ZNF536: variants seen among roughly 807,000 people sequenced by gnomAD.
The protein encoded by ZNF536 is zinc finger protein 536.
Under a neutral mutation model 84.5 loss-of-function variants are expected in ZNF536, and 13 were observed. That is an observed-to-expected ratio of 0.15 (90% confidence interval 0.10 to 0.24). The LOEUF (loss-of-function observed/expected upper bound fraction) is 0.24, where lower values mean the gene tolerates loss of function less well. ZNF536 is among the 10% of genes least tolerant of loss of function. The pLI is 1.00. For missense variants in ZNF536, 1,536 were observed against 1,747.5 expected (o/e 0.88, Z 2.16); for synonymous variants, 811 against 742.5 (o/e 1.09, Z -1.50).
chr19:30,591,756 A>G (rs1182272390), intron 1 of ZNF536, among the ~76,000 whole-genome samples: 2 of 152,154 alleles, frequency 1.3e-5, no homozygotes, highest in Non-Finnish European at 2.9e-5. Context: ...TGGACTTTCA[A>G]TTGCCAACTA....
At chr19:30,359,143 A>T (rs774374973) in intron 3 of ZNF536, among the ~76,000 whole-genome samples, 71 of 152,114 alleles carry the variant, frequency 4.7e-4, no homozygotes, top group Non-Finnish European at 1.3e-4. Context: ...AGTTCTTTTT[A>T]AAAATTTGTC....
intron 1 of ZNF536, among the ~76,000 whole-genome samples, chr19:30,635,294 G>A (rs907827265): frequency 3.3e-5 from 5 of 152,264 alleles, no homozygotes; most frequent in African/African-American, 1.2e-4. Context: ...CTGCTGTGGT[G>A]AACAGGTATC....
downstream of ZNF536, among the ~76,000 whole-genome samples, chr19:30,562,539 C>CT (rs2146442405): frequency 6.6e-6 from 1 of 152,182 alleles, no homozygotes; most frequent in East Asian, 1.9e-4. Context: ...GATTATCTGA[C>CT]TTTTTTCTCT....
chr19:30,385,237 G>T (rs961994375), intron 1 of ZNF536, among the ~76,000 whole-genome samples: 1 of 151,976 alleles, frequency 6.6e-6, no homozygotes, highest in Non-Finnish European at 1.5e-5. Flanking sequence ...CATGAGGAAG[G>T]AAGAGCCGGT....
intron 1 of ZNF536, among the ~76,000 whole-genome samples, chr19:30,704,680 G>A (rs982288693): frequency 6.7e-6 from 1 of 149,672 alleles, no homozygotes; most frequent in South Asian, 2.1e-4. Flanking sequence ...AGAGATAGAT[G>A]GAAGTGAGCA....
At position 30,436,346 on chromosome 19, in the gene ZNF536, G is replaced by A. The variant is rs181191313; in HGVS notation, c.-2-7215G>A. 294 of 213,158 alleles carry A rather than the reference G, an allele frequency of 1.4e-3. 1 individual carries two copies. The highest frequency in any genetic ancestry group is 6.5e-3 in the African/African-American group (277 of 42,576). 13.2% of individuals were successfully genotyped at this position (213,158 alleles called of 1,614,324 possible). ...AGTCAAAATGGAACAGGTCACCCGC[G>A]CTGCCCTCCTGTTCATCTATTAATC... On this transcript the variant is annotated intron_variant, in intron 1 of 4. Transcript: ENST00000355537.
Position 30,697,652 on chromosome 19 carries a change from T to A in ZNF536, c.170-13105T>A, listed in dbSNP as rs185748439. ...ACACAACCGATAAGAGGCAGATACG[T>A]TAGAGCCTTGGTGTCTGGCTTGAAA... On this transcript the variant is annotated intron_variant, in intron 1 of 1. Transcript: ENST00000592773. 6.6e-5 allele frequency among the ~76,000 whole-genome samples: 10 copies of A among 152,274 alleles called. No individual in the cohort carries two copies. In the East Asian group the frequency reaches 1.9e-3, roughly 29 times the overall value.
At chr19:30,323,174 T>C (rs1392899015) in intron 2 of ZNF536, among the ~76,000 whole-genome samples, 1 of 152,222 alleles carries the variant, frequency 6.6e-6, no homozygotes, top group African/African-American at 2.4e-5. Context: ...GGCTGGGCTT[T>C]GCTGGTAGAA....
At position 30,304,321 on chromosome 19, in the gene ZNF536, G is replaced by A. The variant is rs868414460; in HGVS notation, c.-120+20180G>A. Reference sequence around the variant, plus strand: ...CAATGGAGCTCGAACCATTGGAGCCGGGCTCACACACAATCTGATGGATCC... The same window carrying A: ...CAATGGAGCTCGAACCATTGGAGCCAGGCTCACACACAATCTGATGGATCC... On this transcript the variant is annotated intron_variant, in intron 2 of 5. Transcript: ENST00000585628. 5.3e-5 allele frequency among the ~76,000 whole-genome samples: 8 copies of A among 152,330 alleles called. No individual in the cohort carries two copies. In the South Asian group the frequency reaches 1.2e-3, roughly 24 times the overall value.
intron 2 of ZNF536, among the ~76,000 whole-genome samples, chr19:30,339,186 C>T (rs961214551): frequency 1.3e-5 from 2 of 152,192 alleles, no homozygotes; most frequent in African/African-American, 2.4e-5. Flanking sequence ...AAGGGGAGAG[C>T]GTCCCAGATT....
At chr19:30,324,900 C>G (rs1164906729) in intron 2 of ZNF536, among the ~76,000 whole-genome samples, 1 of 152,212 alleles carries the variant, frequency 6.6e-6, no homozygotes, top group African/African-American at 2.4e-5. Flanking sequence ...CTCCCTAGGG[C>G]ACTAGTGGCG....
At chr19:30,433,500 T>G (rs1403027757) in intron 1 of ZNF536, among the ~76,000 whole-genome samples, 2 of 152,170 alleles carry the variant, frequency 1.3e-5, no homozygotes, top group Non-Finnish European at 2.9e-5. Context: ...TTTGTTTGTT[T>G]GTTTGTTTGA....
chr19:30,511,818 A>C (rs1248766711), intron 2 of ZNF536, among the ~76,000 whole-genome samples: 1 of 152,202 alleles, frequency 6.6e-6, no homozygotes, highest in African/African-American at 2.4e-5. Context: ...CACGTTAATG[A>C]CAAGTTAACT....
upstream of ZNF536, among the ~76,000 whole-genome samples, chr19:30,227,794 G>A (rs1405282109): frequency 6.6e-6 from 1 of 151,942 alleles, no homozygotes; most frequent in Non-Finnish European, 1.5e-5. Context: ...GACAGGGGCC[G>A]CGTTTGCTGA....
At chr19:30,375,561 G>A (rs534198668) in intron 1 of ZNF536, among the ~76,000 whole-genome samples, 2 of 152,332 alleles carry the variant, frequency 1.3e-5, no homozygotes, top group African/African-American at 4.8e-5. Context: ...AGTGCGCTGC[G>A]GCCCGGGGTG....
chr19:30,494,888 T>C (rs1599580103), intron 2 of ZNF536, among the ~76,000 whole-genome samples: 1 of 146,114 alleles, frequency 6.8e-6, no homozygotes, highest in South Asian at 2.2e-4. Context: ...GGAGGTTGCA[T>C]TGAGCCAAGA....
intron 2 of ZNF536, among the ~76,000 whole-genome samples, chr19:30,324,319 C>T (rs778301685): frequency 2.0e-5 from 3 of 152,206 alleles, no homozygotes; most frequent in Non-Finnish European, 4.4e-5. Context: ...TCTATCTATC[C>T]ATCCATTGTG....
intron 2 of ZNF536, among the ~76,000 whole-genome samples, chr19:30,505,335 AT>A (rs1036501710): frequency 2.1e-5 from 3 of 146,000 alleles, no homozygotes; most frequent in African/African-American, 7.4e-5. Flanking sequence ...TATAATATAT[AT>A]TTTATGATAA....
intron 1 of ZNF536, among the ~76,000 whole-genome samples, chr19:30,266,080 G>T (rs1179691605): frequency 6.6e-6 from 1 of 152,022 alleles, no homozygotes; most frequent in Admixed American, 6.5e-5. Context: ...ACAGGGTCTT[G>T]CTCTGTTGCC....
Sources: gnomAD v4.1 joint callset for allele counts (sites outside exome capture counted in the v4.1 genomes callset) on GRCh38, gnomAD v4.1.1 for gene constraint, MANE v1.5 for transcripts, NCBI Gene and HGNC (gene_info 2026-07-23, HGNC 2026-07-21) for gene names.